The following NUP93 variants were observed in gnomAD, a reference collection of about 807,000 sequenced individuals.
NUP93 encodes nuclear pore complex protein Nup93.
A neutral mutation model predicts 107.8 loss-of-function variants in NUP93; 55 were observed. The ratio of observed to expected loss-of-function variants is 0.51; its 90% CI spans 0.41 to 0.64. The LOEUF is 0.64. Ranked by LOEUF, NUP93 falls within the 30% of genes least tolerant of loss-of-function variation. NUP93 has a pLI of 0.00. For synonymous variants in NUP93, 390 were observed against 397.5 expected (o/e 0.98, Z 0.22); for missense variants, 937 against 1,044.7 (o/e 0.90, Z 1.42).
intron 2 of NUP93, among the ~76,000 whole-genome samples, chr16:56,749,780 G>A (rs1333668946): frequency 6.6e-6 from 1 of 152,202 alleles, no homozygotes; most frequent in Admixed American, 6.5e-5. Flanking sequence ...AAAATAACTA[G>A]TTGGTTTTGG....
Position 56,830,519 on chromosome 16 carries a change from C to T in NUP93, c.928-9C>T, listed in dbSNP as rs1963759052. 1 of 1,559,346 alleles carries T rather than the reference C, an allele frequency of 6.4e-7. No homozygotes were observed. Among genetic ancestry groups the T allele is most frequent in the Non-Finnish European group, 8.7e-7 (1 of 1,143,148 alleles). On this transcript the variant is annotated splice_polypyrimidine_tract_variant and intron_variant, in intron 9 of 21. Transcript: ENST00000308159. ...GTTTATTTTGAGCACTTAACTGTTC[C>T]TCTTTTAGGATGGAGAGGTGGAAGG... is the stretch of plus-strand genomic sequence containing the variant.
intron 6 of NUP93, among the ~76,000 whole-genome samples, chr16:56,820,842 T>G (rs1442966241): frequency 6.6e-6 from 1 of 152,188 alleles, no homozygotes; most frequent in Non-Finnish European, 1.5e-5. Flanking sequence ...AGTGAAGTCC[T>G]GTTTCACTTC....
chr16:56,812,529 G>C (rs1173012435), intron 5 of NUP93, among the ~76,000 whole-genome samples: 2 of 152,064 alleles, frequency 1.3e-5, no homozygotes, highest in Non-Finnish European at 2.9e-5. Context: ...ATTTTTAGTA[G>C]AGACGGGGCT....
chr16:56,820,853 C>T (rs1371495924), intron 6 of NUP93, among the ~76,000 whole-genome samples: 4 of 152,116 alleles, frequency 2.6e-5, no homozygotes, highest in Non-Finnish European at 5.9e-5. Context: ...GTTTCACTTC[C>T]CTACCAGGAC....
chr16:56,823,824 G>T lies in NUP93; in HGVS notation c.772G>T (p.Ala258Ser), dbSNP rs780591538. The T allele has an allele frequency of 1.9e-6, 3 of 1,614,062 alleles. No homozygotes were observed. The highest frequency in any genetic ancestry group is 2.2e-5 in the South Asian group (2 of 91,088). ...AGTGCGCATGGAGTTTGTCAGGCAGGCCTTGGCGTACCTTGAGCAGAGGTA... is the reference window on the plus strand; with the variant it reads ...AGTGCGCATGGAGTTTGTCAGGCAGTCCTTGGCGTACCTTGAGCAGAGGTA... ...VEVRMEFVRQ[A>S]LAYLEQSYKN... The change falls in exon 8 of 22, where the codon GCC (alanine) becomes TCC (serine). Residue 258 changes from alanine to serine, a missense_variant. Physicochemically the swap from Ala to Ser is moderately conservative, Grantham distance 99 (BLOSUM62 1). Transcript: ENST00000308159.
intron 8 of NUP93, among the ~76,000 whole-genome samples, chr16:56,824,400 A>G (rs1963614930): frequency 6.6e-6 from 1 of 152,196 alleles, no homozygotes; most frequent in Non-Finnish European, 1.5e-5. Flanking sequence ...GGTTTGTGGC[A>G]GTGCCTTTGT....
At chr16:56,796,843 G>A (rs1358587477) in intron 3 of NUP93, among the ~76,000 whole-genome samples, 1 of 152,160 alleles carries the variant, frequency 6.6e-6, no homozygotes, top group Admixed American at 6.5e-5. Context: ...TGGAGTGGTG[G>A]CACGTGCCGG....
intron 1 of NUP93, among the ~76,000 whole-genome samples, chr16:56,734,077 A>G (rs1280995847): frequency 3.3e-5 from 5 of 152,268 alleles, no homozygotes; most frequent in African/African-American, 4.8e-5. Flanking sequence ...CAAGGTTCCC[A>G]GACTCAAGGA....
intron 3 of NUP93, among the ~76,000 whole-genome samples, chr16:56,769,695 T>G (rs1781451686): frequency 6.6e-6 from 1 of 152,218 alleles, no homozygotes. Flanking sequence ...TCTTGCTTGA[T>G]CATCTTTGTT....
At chr16:56,836,887 A>G in intron 17 of NUP93, among the ~76,000 whole-genome samples, 170 bp downstream of exon 17, 1 of 152,264 alleles carries the variant, frequency 6.6e-6, no homozygotes, top group East Asian at 1.9e-4. Flanking sequence ...CCCATTTTAC[A>G]GCATTATTTC....
chr16:56,821,704 G>A (rs1963548060), intron 7 of NUP93, 111 bp downstream of exon 7: 2 of 657,370 alleles, frequency 3.0e-6, no homozygotes, highest in Non-Finnish European at 5.4e-6. Flanking sequence ...TCTGTGGAAT[G>A]AAATGTTAAC....
intron 1 of NUP93, among the ~76,000 whole-genome samples, chr16:56,737,480 C>T (rs1043603997): frequency 3.3e-5 from 5 of 152,134 alleles, no homozygotes; most frequent in Non-Finnish European, 5.9e-5. Flanking sequence ...CAGTTCAGTC[C>T]TTAGTACCCG....
intron 4 of NUP93, among the ~76,000 whole-genome samples, chr16:56,801,077 A>G (rs1963009770): frequency 6.6e-6 from 1 of 151,912 alleles, no homozygotes; most frequent in African/African-American, 2.4e-5. Flanking sequence ...TAATTTTTAG[A>G]TCTCTCCACA....
At chr16:56,750,379 G>A (rs1961896856) in intron 2 of NUP93, among the ~76,000 whole-genome samples, 1 of 152,092 alleles carries the variant, frequency 6.6e-6, no homozygotes, top group Non-Finnish European at 1.5e-5. Flanking sequence ...AACTGAGTAG[G>A]AAAAATTTTC....
intron 4 of NUP93, among the ~76,000 whole-genome samples, chr16:56,804,121 A>G (rs1963081413): frequency 6.6e-6 from 1 of 152,184 alleles, no homozygotes; most frequent in Non-Finnish European, 1.5e-5. Context: ...GCAGGTAGAA[A>G]TGTGAAATGG....
chr16:56,822,564 C>CTTTTTTT lies in NUP93; in HGVS notation c.654+978_654+984dup, dbSNP rs56395453. On this transcript the variant is annotated intron_variant, in intron 7 of 21. Coordinates refer to ENST00000308159, the MANE Select transcript of NUP93 (RefSeq NM_014669.5). ...TTCTTTTCTTTCTTTCTTTTCTTTT[C>CTTTTTTT]TTTTTTTTTTTTTGAGTTGAAGTTT... 2.0e-4 allele frequency among the ~76,000 whole-genome samples: 26 copies of CTTTTTTT among 126,904 alleles called. 1 individual carries two copies. The highest frequency in any genetic ancestry group is 3.5e-4 in the Admixed American group (4 of 11,542). The allele number at this position is 126,904 out of a possible 152,430, so 83.3% of individuals were successfully genotyped here.
intron 3 of NUP93, among the ~76,000 whole-genome samples, chr16:56,771,082 A>C (rs1962313548): frequency 6.6e-6 from 1 of 152,122 alleles, no homozygotes; most frequent in South Asian, 2.1e-4. Flanking sequence ...TTGTCCCCTC[A>C]AACTATTTGG....
In NUP93 at chr16:56,841,691, T is replaced by C; in HGVS notation, c.2221-14T>C. On this transcript the variant is annotated splice_polypyrimidine_tract_variant and intron_variant, in intron 20 of 21. Transcript: ENST00000308159. ...TTGGTTCTTTTTCTTTACTCTGTTT[T>C]TCTCTCTATGTAGATCAGGCACAAC... 6.2e-7 allele frequency: 1 copy of C among 1,612,550 alleles called. No homozygotes were observed. The highest frequency in any genetic ancestry group is 8.5e-7 in the Non-Finnish European group (1 of 1,179,552).
intron 3 of NUP93, among the ~76,000 whole-genome samples, chr16:56,774,999 G>A (rs889176762): frequency 2.0e-5 from 3 of 151,172 alleles, no homozygotes; most frequent in Non-Finnish European, 2.9e-5. Flanking sequence ...TCCCAGGGTC[G>A]AGTGATCCTC....
Sources: allele counts gnomAD v4.1 joint callset (sites outside exome capture counted in the v4.1 genomes callset), GRCh38; gene constraint gnomAD v4.1.1; transcripts MANE v1.5; gene names NCBI Gene and HGNC (gene_info 2026-07-23, HGNC 2026-07-21).